PDHX: variants seen among roughly 807,000 people sequenced by gnomAD.
The protein encoded by PDHX is pyruvate dehydrogenase complex component X, also known as pyruvate dehydrogenase protein X component, mitochondrial.
Under a neutral mutation model 55.3 loss-of-function variants are expected in PDHX, and 33 were observed. That is an observed-to-expected ratio of 0.60 (90% confidence interval 0.45 to 0.80). PDHX has a LOEUF of 0.80. PDHX is among the 30% of genes least tolerant of loss of function. The pLI is 0.00. For synonymous variants in PDHX, 226 were observed against 219.4 expected (o/e 1.03, Z -0.27); for missense variants, 622 against 619.9 (o/e 1.00, Z -0.04).
chr11:34,964,628 A>G (rs1001980074), intron 5 of PDHX, among the ~76,000 whole-genome samples: 1 of 152,090 alleles, frequency 6.6e-6, no homozygotes, highest in African/African-American at 2.4e-5. Flanking sequence ...TAAAATCAGC[A>G]ATACAAGTTT....
At chr11:34,945,338 T>A (rs1366736903) in intron 2 of PDHX, among the ~76,000 whole-genome samples, 1 of 152,204 alleles carries the variant, frequency 6.6e-6, no homozygotes, top group Admixed American at 6.5e-5. Flanking sequence ...AATAACTTGT[T>A]TCTTATAGCC....
At chr11:34,937,882 A>T (rs1854372264) in intron 2 of PDHX, among the ~76,000 whole-genome samples, 1 of 152,196 alleles carries the variant, frequency 6.6e-6, no homozygotes, top group Non-Finnish European at 1.5e-5. Context: ...GAATTTGCAG[A>T]TAAAGTCTCA....
chr11:34,937,064 G>A (rs758505024), intron 2 of PDHX, among the ~76,000 whole-genome samples: 1 of 152,002 alleles, frequency 6.6e-6, no homozygotes, highest in African/African-American at 2.4e-5. Flanking sequence ...GATTATAGGC[G>A]TGAGCCACTG....
intron 9 of PDHX, among the ~76,000 whole-genome samples, chr11:34,985,544 C>T (rs757518265): frequency 2.0e-5 from 3 of 152,132 alleles, no homozygotes; most frequent in Non-Finnish European, 4.4e-5. Context: ...TCTTATTTCA[C>T]CAAAAAATAG....
chr11:34,930,923 C>T (rs1260099001), intron 1 of PDHX, among the ~76,000 whole-genome samples: 5 of 152,178 alleles, frequency 3.3e-5, no homozygotes, highest in Admixed American at 3.3e-4. Flanking sequence ...ATAAAAACAG[C>T]CAGTTTCTTA....
chr11:34,966,035 C>G (rs1590756340), intron 5 of PDHX, among the ~76,000 whole-genome samples: 5 of 152,090 alleles, frequency 3.3e-5, no homozygotes, highest in Non-Finnish European at 1.5e-5. Flanking sequence ...CAGAGTAATA[C>G]AAAGGCAAGT....
intron 9 of PDHX, 183 bp downstream of exon 9, chr11:34,984,911 C>A (rs186217014): frequency 6.8e-6 from 4 of 585,258 alleles, no homozygotes; most frequent in South Asian, 2.2e-5. Flanking sequence ...CAAGTATGAC[C>A]CATTGTAAGA....
intron 3 of PDHX, among the ~76,000 whole-genome samples, chr11:34,948,573 CTTTTT>C (rs34358212): frequency 1.5e-5 from 2 of 135,038 alleles, no homozygotes; most frequent in Non-Finnish European, 3.2e-5. Flanking sequence ...TCCTCTTTTC[CTTTTT>C]TTTTTTTTTT....
chr11:34,984,916 G>A (rs1371156480), intron 9 of PDHX, 188 bp downstream of exon 9: 2 of 573,148 alleles, frequency 3.5e-6, no homozygotes, highest in Admixed American at 6.3e-5. Flanking sequence ...ATGACCCATT[G>A]TAAGAAAATT....
chr11:34,986,458 A>G (rs1343092503), intron 9 of PDHX, among the ~76,000 whole-genome samples: 3 of 152,160 alleles, frequency 2.0e-5, no homozygotes, highest in Admixed American at 6.6e-5. Context: ...TGTTTTTGTG[A>G]AGGTTAAATG....
chr11:34,959,110 A>T (rs1285730252), intron 4 of PDHX, among the ~76,000 whole-genome samples: 1 of 152,064 alleles, frequency 6.6e-6, no homozygotes, highest in Non-Finnish European at 1.5e-5. Flanking sequence ...TTATCTGACC[A>T]TGTAGTAATT....
intron 6 of PDHX, among the ~76,000 whole-genome samples, chr11:34,968,157 A>G (rs1029375266): frequency 1.3e-5 from 2 of 151,812 alleles, no homozygotes; most frequent in African/African-American, 2.4e-5. Flanking sequence ...CTGTAGTCCA[A>G]CTACTCAGGC....
intron 1 of PDHX, among the ~76,000 whole-genome samples, chr11:34,918,801 C>T (rs1356276433): frequency 6.6e-6 from 1 of 152,160 alleles, no homozygotes; most frequent in African/African-American, 2.4e-5. Context: ...GCTCGAGACC[C>T]CATTCCCTTA....
chr11:34,958,080 G>A (rs553788228), intron 4 of PDHX, among the ~76,000 whole-genome samples: 1 of 152,256 alleles, frequency 6.6e-6, no homozygotes, highest in Non-Finnish European at 1.5e-5. Context: ...TAACAAAACA[G>A]ATAACTTAAT....
chr11:34,981,409 A>G (rs1033674743), intron 8 of PDHX, among the ~76,000 whole-genome samples: 1 of 152,116 alleles, frequency 6.6e-6, no homozygotes, highest in Non-Finnish European at 1.5e-5. Context: ...ATTGTTGGAC[A>G]TTTGGGTTGG....
chr11:34,924,687 GT>G (rs1016912627), intron 1 of PDHX, among the ~76,000 whole-genome samples: 4 of 151,886 alleles, frequency 2.6e-5, no homozygotes, highest in Non-Finnish European at 4.4e-5. Flanking sequence ...TTCTCCTTGA[GT>G]TTTTTTAAAT....
intron 7 of PDHX, among the ~76,000 whole-genome samples, chr11:34,970,962 A>AT (rs1161901796): frequency 6.6e-6 from 1 of 152,150 alleles, no homozygotes; most frequent in Non-Finnish European, 1.5e-5. Context: ...ACATAGGTCA[A>AT]TTTTTTTGTA....
At chr11:34,983,758 C>G (rs1385388306) in intron 8 of PDHX, among the ~76,000 whole-genome samples, 1 of 152,076 alleles carries the variant, frequency 6.6e-6, no homozygotes, top group Non-Finnish European at 1.5e-5. Flanking sequence ...CAAACCACTG[C>G]TCGATGAAAT....
chr11:34,953,694 C>T (rs567530685), intron 3 of PDHX, among the ~76,000 whole-genome samples: 2 of 152,186 alleles, frequency 1.3e-5, no homozygotes, highest in East Asian at 1.9e-4. Context: ...GATTTGGTAG[C>T]GATTATATTG....
Sources: gnomAD v4.1 joint callset for allele counts (sites outside exome capture counted in the v4.1 genomes callset) on GRCh38, gnomAD v4.1.1 for gene constraint, MANE v1.5 for transcripts, NCBI Gene and HGNC (gene_info 2026-07-23, HGNC 2026-07-21) for gene names.